Variants in GRK3 observed in about 807,000 individuals in gnomAD.
GRK3 encodes G protein-coupled receptor kinase 3.
A neutral mutation model predicts 95.7 loss-of-function variants in GRK3; 54 were observed. The ratio of observed to expected loss-of-function variants is 0.56; its 90% CI spans 0.45 to 0.71. The LOEUF (loss-of-function observed/expected upper bound fraction) is 0.71, where lower values mean the gene tolerates loss of function less well. GRK3 is among the 30% of genes least tolerant of loss of function. The pLI is 0.00. For missense variants in GRK3, 649 were observed against 851.2 expected, an observed-to-expected ratio of 0.76 and a Z score of 2.96; for synonymous variants, 281 against 290.8, an observed-to-expected ratio of 0.97 and a Z score of 0.34.
chr22:25,610,199 A>G (rs1187869730), intron 2 of GRK3, among the ~76,000 whole-genome samples: 1 of 152,146 alleles, frequency 6.6e-6, no homozygotes, highest in Admixed American at 6.5e-5. Flanking sequence ...GTGGTGGCTC[A>G]TACCTGTAAT....
chr22:25,647,567 A>G (rs1248189867), intron 3 of GRK3: 1 of 1,562,490 alleles, frequency 6.4e-7, no homozygotes. Context: ...TTATATGATT[A>G]TGAAGCTAGA....
chr22:25,589,032 A>C (rs1157937810), intron 1 of GRK3, among the ~76,000 whole-genome samples: 1 of 152,148 alleles, frequency 6.6e-6, no homozygotes, highest in Non-Finnish European at 1.5e-5. Context: ...CAGCCTCCCG[A>C]AGAGCTGAGA....
chr22:25,604,553 C>T (rs918768598), intron 2 of GRK3, 100 bp downstream of exon 2: 2 of 653,088 alleles, frequency 3.1e-6, no homozygotes, highest in African/African-American at 1.9e-5. Context: ...TTTATATCCT[C>T]TATAGCTGTG....
chr22:25,708,750 C>T (rs1214268574), intron 15 of GRK3, among the ~76,000 whole-genome samples: 1 of 151,946 alleles, frequency 6.6e-6, no homozygotes, highest in African/African-American at 2.4e-5. Context: ...CAACCTCCAC[C>T]TCCCGGGTTC....
Position 25,604,467 on chromosome 22 carries a change from G to T in GRK3, c.190+14G>T, listed in dbSNP as rs1360403859. On this transcript the variant is annotated intron_variant, in intron 2 of 20. Transcript: ENST00000324198. ...ATCAGAAAATTGGTAAGTCCTGCTTGTTCATTTGGCATACGGTAATTTTAG... is the reference window on the plus strand; with the variant it reads ...ATCAGAAAATTGGTAAGTCCTGCTTTTTCATTTGGCATACGGTAATTTTAG... The T allele has an allele frequency of 6.3e-7, 1 of 1,586,304 alleles. No individual in the cohort carries two copies. The highest frequency in any genetic ancestry group is 8.6e-7 in the Non-Finnish European group (1 of 1,160,160).
intron 2 of GRK3, among the ~76,000 whole-genome samples, chr22:25,604,827 G>A (rs1246309119): frequency 1.3e-5 from 2 of 152,182 alleles, no homozygotes; most frequent in Non-Finnish European, 2.9e-5. Context: ...ATTACTTTAT[G>A]AAAATTCCAA....
intron 3 of GRK3, among the ~76,000 whole-genome samples, chr22:25,645,386 C>G (rs2084773657): frequency 6.6e-6 from 1 of 152,188 alleles, no homozygotes. Flanking sequence ...GGCATCCAGG[C>G]TTGGCTGCTT....
intron 12 of GRK3, among the ~76,000 whole-genome samples, chr22:25,694,273 A>G (rs139974434): frequency 0.011 from 1,734 of 152,288 alleles, 16 homozygotes; most frequent in Non-Finnish European, 0.018. Flanking sequence ...GTTGTAGGGC[A>G]TACAACCTTT....
intron 13 of GRK3, chr22:25,703,138 A>G (rs1156552133): frequency 6.7e-6 from 2 of 297,802 alleles, no homozygotes; most frequent in East Asian, 8.8e-5. Flanking sequence ...AAAAATGTAC[A>G]TGAAAGTTAT....
chr22:25,590,012 T>A (rs1932440700), intron 1 of GRK3, among the ~76,000 whole-genome samples: 1 of 152,162 alleles, frequency 6.6e-6, no homozygotes, highest in Non-Finnish European at 1.5e-5. Context: ...GGTCCCTCCC[T>A]CAACTCGTGG....
chr22:25,621,954 TA>T (rs1253792530), intron 2 of GRK3, among the ~76,000 whole-genome samples: 1 of 152,214 alleles, frequency 6.6e-6, no homozygotes, highest in Non-Finnish European at 1.5e-5. Context: ...CTTGATTCCT[TA>T]AAGGGAAACA....
intron 1 of GRK3, among the ~76,000 whole-genome samples, chr22:25,587,113 A>G (rs1160899769): frequency 1.3e-5 from 2 of 151,870 alleles, no homozygotes; most frequent in African/African-American, 4.8e-5. Context: ...CTGGTCTGGA[A>G]CTCCTGACCT....
At chr22:25,583,357 C>CTTTTTTTTTTTTTTTTTTTTTTTTTTT (rs113355685) in intron 1 of GRK3, among the ~76,000 whole-genome samples, 2 of 135,576 alleles carry the variant, frequency 1.5e-5, no homozygotes, top group African/African-American at 2.8e-5. Flanking sequence ...TTTCTGTGTA[C>CTTTTTTTTTTTTTTTTTTTTTTTTTTT]TTTTTTTTTT....
intron 2 of GRK3, among the ~76,000 whole-genome samples, chr22:25,627,177 G>A (rs1303527370): frequency 6.6e-6 from 1 of 152,178 alleles, no homozygotes; most frequent in Non-Finnish European, 1.5e-5. Context: ...AAAATCCTCA[G>A]AACTGGGCTC....
At chr22:25,688,044 G>A (rs564077282) in intron 11 of GRK3, among the ~76,000 whole-genome samples, 32 of 152,106 alleles carry the variant, frequency 2.1e-4, no homozygotes, top group Non-Finnish European at 3.1e-4. Context: ...AGGCCATCCT[G>A]GCTAACACAG....
chr22:25,602,020 TG>T (rs1235776862), intron 1 of GRK3, among the ~76,000 whole-genome samples: 1 of 152,204 alleles, frequency 6.6e-6, no homozygotes, highest in African/African-American at 2.4e-5. Context: ...AAGGACTCCC[TG>T]AAGAAAATGA....
At chr22:25,608,067 G>C (rs1165306621) in intron 2 of GRK3, among the ~76,000 whole-genome samples, 1 of 152,160 alleles carries the variant, frequency 6.6e-6, no homozygotes, top group Admixed American at 6.5e-5. Flanking sequence ...TCTCTAAAGT[G>C]GGCTCAGATG....
intron 13 of GRK3, among the ~76,000 whole-genome samples, chr22:25,696,130 C>T (rs1050510945): frequency 2.6e-5 from 4 of 151,814 alleles, no homozygotes; most frequent in South Asian, 4.2e-4. Flanking sequence ...CCACCGCGTC[C>T]GGCCTACACC....
chr22:25,600,725 A>G (rs955918208), intron 1 of GRK3, among the ~76,000 whole-genome samples: 1 of 152,144 alleles, frequency 6.6e-6, no homozygotes, highest in Non-Finnish European at 1.5e-5. Flanking sequence ...TCCTAGATAG[A>G]ACTCATGGCT....
Sources: allele counts gnomAD v4.1 joint callset (sites outside exome capture counted in the v4.1 genomes callset), GRCh38; gene constraint gnomAD v4.1.1; transcripts MANE v1.5; gene names NCBI Gene and HGNC (gene_info 2026-07-23, HGNC 2026-07-21).